Variants in LRRC2 observed in about 807,000 individuals in gnomAD.
The protein encoded by LRRC2 is leucine-rich repeat-containing protein 2.
LRRC2 carries 27 observed loss-of-function variants against 40.2 expected under a neutral mutation model. The observed-to-expected ratio is 0.67, with a 90% confidence interval of 0.49 to 0.93. The LOEUF (loss-of-function observed/expected upper bound fraction) is 0.93. LRRC2 is among the 40% of genes least tolerant of loss of function. The probability of loss-of-function intolerance (pLI) is 0.00; values close to 1 mark genes in which losing one functional copy is unlikely to be tolerated. For missense variants in LRRC2, 402 were observed against 439.6 expected, an observed-to-expected ratio of 0.91 and a Z score of 0.76; for synonymous variants, 147 against 158.9, an observed-to-expected ratio of 0.92 and a Z score of 0.56.
At chr3:46,530,096 G>T in intron 5 of LRRC2, 46 bp from the exon 6 acceptor site, 1 of 1,478,824 alleles carries the variant, frequency 6.8e-7, no homozygotes. Context: ...ATAAGAGTGG[G>T]AATTAAGTTC....
chr3:46,525,285 G>A (rs1351650656), intron 7 of LRRC2, among the ~76,000 whole-genome samples: 2 of 149,528 alleles, frequency 1.3e-5, no homozygotes, highest in African/African-American at 4.9e-5. Context: ...GGGTCTTGCT[G>A]TGTTGCTCAG....
intron 1 of LRRC2, chr3:46,558,537 T>A (rs1449558619): frequency 6.6e-6 from 1 of 152,242 alleles, no homozygotes; most frequent in Non-Finnish European, 1.5e-5. Context: ...GTCTAACTTC[T>A]TTGGAGTGCT....
In LRRC2 at chr3:46,532,784, G is replaced by A. The variant is rs1000816758; in HGVS notation, c.616C>T (p.Leu206=). 1.2e-6 allele frequency: 2 copies of A among 1,613,374 alleles called. No homozygotes were observed. The highest frequency in any genetic ancestry group is 2.2e-5 in the South Asian group (2 of 90,966). The change falls in exon 5 of 9, where the codon CTG becomes TTG. Residue 206 remains leucine, a synonymous_variant. Coordinates refer to ENST00000395905, the MANE Select transcript of LRRC2 (RefSeq NM_024512.5). ...TGTTTATCTCTTACTTCAAAGGGCA[G>A]CTCCATTAATTCTAGATTTCCAGAA... ...DCSGNLELME[L]PFELSNLKQV...
intron 2 of LRRC2, among the ~76,000 whole-genome samples, chr3:46,546,222 G>A (rs1246862956): frequency 6.6e-6 from 1 of 152,248 alleles, no homozygotes; most frequent in Non-Finnish European, 1.5e-5. Flanking sequence ...ATAAGTGTGA[G>A]ATAAGCCCCA....
chr3:46,522,416 T>C lies in LRRC2; in HGVS notation c.930-758A>G, dbSNP rs111701959. On this transcript the variant is annotated intron_variant, in intron 7 of 8. Transcript: ENST00000395905. ...ATAAATAAATAAATAAATAAATAAA[T>C]AAACAAACGATAGGACAGGAACAGA... Among the ~76,000 whole-genome samples the C allele has an allele frequency of 9.2e-3, 1,344 of 146,074 alleles. 13 individuals carry two copies. The highest frequency in any genetic ancestry group is 0.025 in the African/African-American group (959 of 39,072).
At chr3:46,535,491 A>G (rs958483622) in intron 4 of LRRC2, among the ~76,000 whole-genome samples, 4 of 152,204 alleles carry the variant, frequency 2.6e-5, no homozygotes, top group Non-Finnish European at 5.9e-5. Flanking sequence ...TCCTTCCCAT[A>G]GTTTAACTCA....
chr3:46,521,376 T>C, intron 8 of LRRC2, 146 bp downstream of exon 8: 1 of 604,904 alleles, frequency 1.7e-6, no homozygotes, highest in Non-Finnish European at 2.9e-6. Flanking sequence ...TGGAGTGTGT[T>C]GGAGGGTAAA....
At position 46,549,121 on chromosome 3, in the gene LRRC2, T is replaced by C. The variant is rs2107033009; in HGVS notation, c.125+2346A>G. On this transcript the variant is annotated intron_variant, in intron 2 of 8. Coordinates refer to ENST00000395905, the MANE Select transcript of LRRC2 (RefSeq NM_024512.5). Reference sequence around the variant, plus strand: ...ATAATGTTTAAGTATCGGTATATACTTCATAACAACTACAGCATTACAGGA... The same window carrying C: ...ATAATGTTTAAGTATCGGTATATACCTCATAACAACTACAGCATTACAGGA... Among the ~76,000 whole-genome samples the C allele has an allele frequency of 2.6e-5, 4 of 152,322 alleles. No individual in the cohort carries two copies. The South Asian group carries it at 8.3e-4, about 32-fold the overall frequency.
intron 7 of LRRC2, among the ~76,000 whole-genome samples, chr3:46,525,253 C>CT (rs1393653450): frequency 4.8e-5 from 5 of 103,454 alleles, no homozygotes; most frequent in African/African-American, 1.2e-4. Context: ...CATGCCAGGC[C>CT]TTTTTTTCTT....
intron 7 of LRRC2, among the ~76,000 whole-genome samples, chr3:46,526,211 T>G (rs1704058865): frequency 2.0e-5 from 3 of 152,206 alleles, no homozygotes; most frequent in African/African-American, 7.2e-5. Flanking sequence ...CAGTAAGCTA[T>G]TAAATATTTA....
chr3:46,523,167 G>C (rs1007413996), intron 7 of LRRC2, among the ~76,000 whole-genome samples: 5 of 151,920 alleles, frequency 3.3e-5, no homozygotes, highest in Non-Finnish European at 7.4e-5. Context: ...TTTTTTCATT[G>C]AGTTAATGTT....
chr3:46,525,952 GTTTCTTTTTT>G (rs1294687861), intron 7 of LRRC2, among the ~76,000 whole-genome samples: 1 of 150,892 alleles, frequency 6.6e-6, no homozygotes, highest in Non-Finnish European at 1.5e-5. Context: ...TTTTTTTCTT[GTTTCTTTTTT>G]TTTCTTTTTT....
chr3:46,532,521 C>T (rs1704179790), intron 5 of LRRC2, among the ~76,000 whole-genome samples: 1 of 152,116 alleles, frequency 6.6e-6, no homozygotes, highest in South Asian at 2.1e-4. Flanking sequence ...AGGAGAATTG[C>T]TTGAACCCAG....
chr3:46,527,587 A>T lies in LRRC2; in HGVS notation c.774-6T>A, dbSNP rs756472642. 6 of 1,613,308 alleles carry T rather than the reference A, an allele frequency of 3.7e-6. No homozygotes were observed. The South Asian group carries it at 6.6e-5, about 18-fold the overall frequency. ...AGCTCTGCAGCTCCTCTAGCCTAAG[A>T]AGAGGTAAAAACAATCATAGCACTG... On this transcript the variant is annotated splice_region_variant and splice_polypyrimidine_tract_variant and intron_variant, in intron 6 of 8. Transcript: ENST00000395905.
chr3:46,538,499 T>C (rs1575351566), intron 4 of LRRC2, among the ~76,000 whole-genome samples: 1 of 150,284 alleles, frequency 6.7e-6, no homozygotes, highest in African/African-American at 2.4e-5. Context: ...AATCAGCTGG[T>C]GGCACGTGAC....
At chr3:46,559,553 A>T (rs1198096819) in intron 1 of LRRC2, 5 of 152,262 alleles carry the variant, frequency 3.3e-5, no homozygotes, top group Admixed American at 2.6e-4. Flanking sequence ...GCTGTACATT[A>T]ACTGCCCCTA....
chr3:46,557,907 C>T (rs1257912283), intron 1 of LRRC2: 1 of 152,236 alleles, frequency 6.6e-6, no homozygotes. Context: ...GAAGGCATCG[C>T]AGGTTGGCAT....
chr3:46,542,434 C>T (rs1704414872), intron 3 of LRRC2, among the ~76,000 whole-genome samples: 1 of 151,056 alleles, frequency 6.6e-6, no homozygotes, highest in Non-Finnish European at 1.5e-5. Context: ...GAGATAGAGG[C>T]TACAGTGAGC....
chr3:46,561,028 A>G (rs1704926065), intron 1 of LRRC2, among the ~76,000 whole-genome samples: 1 of 152,220 alleles, frequency 6.6e-6, no homozygotes, highest in African/African-American at 2.4e-5. Context: ...ACTTGATGGT[A>G]AATAATAGAG....
Sources: allele counts gnomAD v4.1 joint callset (sites outside exome capture counted in the v4.1 genomes callset), GRCh38; gene constraint gnomAD v4.1.1; transcripts MANE v1.5; gene names NCBI Gene and HGNC (gene_info 2026-07-23, HGNC 2026-07-21).